Variants in PACRG observed in about 807,000 individuals in gnomAD.
The protein encoded by PACRG is parkin coregulated gene protein.
In PACRG, 29 loss-of-function variants were observed where a neutral mutation model predicts 29.7. The observed-to-expected ratio is 0.98, with a 90% CI of 0.73 to 1.33. The LOEUF is 1.33. PACRG is among the 40% of genes most tolerant of loss of function. The probability of loss-of-function intolerance (pLI) is 0.00; values close to 1 mark genes in which losing one functional copy is unlikely to be tolerated. For synonymous variants in PACRG, 116 were observed against 118.7 expected (o/e 0.98, Z 0.15); for missense variants, 279 against 316.2 (o/e 0.88, Z 0.89).
chr6:162,828,172 G>A (rs1788443757), intron 2 of PACRG, among the ~76,000 whole-genome samples: 1 of 152,126 alleles, frequency 6.6e-6, no homozygotes, highest in African/African-American at 2.4e-5. Flanking sequence ...AATGAGGGTG[G>A]TTATCTGTGA....
chr6:162,812,786 G>T (rs537643193), intron 1 of PACRG, among the ~76,000 whole-genome samples: 219 of 152,100 alleles, frequency 1.4e-3, no homozygotes, highest in African/African-American at 5.1e-3. Flanking sequence ...TTTGATAATT[G>T]AATGAATTTG....
chr6:163,150,239 C>T (rs933933198), intron 4 of PACRG, among the ~76,000 whole-genome samples: 2 of 152,162 alleles, frequency 1.3e-5, no homozygotes, highest in Non-Finnish European at 2.9e-5. Context: ...CTAGCTAATA[C>T]GAGTGTTGTG....
intron 4 of PACRG, among the ~76,000 whole-genome samples, chr6:163,274,178 C>A (rs181739369): frequency 6.6e-6 from 1 of 152,094 alleles, no homozygotes; most frequent in Non-Finnish European, 1.5e-5. Context: ...TATCCCTCCC[C>A]GCTCCCTCCA....
At chr6:163,037,084 A>G (rs1808270646) in intron 2 of PACRG, among the ~76,000 whole-genome samples, 2 of 152,222 alleles carry the variant, frequency 1.3e-5, no homozygotes, top group Admixed American at 6.5e-5. Flanking sequence ...AAATGCCTCA[A>G]TGTGCAAAAC....
intron 2 of PACRG, among the ~76,000 whole-genome samples, chr6:162,895,399 A>C (rs1795094312): frequency 6.6e-6 from 1 of 152,220 alleles, no homozygotes. Context: ...CTTTCACCCA[A>C]AGCTCATGGC....
chr6:162,768,063 G>A (rs1463596954), intron 1 of PACRG, among the ~76,000 whole-genome samples: 1 of 151,928 alleles, frequency 6.6e-6, no homozygotes, highest in East Asian at 1.9e-4. Context: ...GTTTAGCATT[G>A]TATTTGCATA....
At chr6:162,956,700 C>G (rs1800068720) in intron 2 of PACRG, among the ~76,000 whole-genome samples, 1 of 152,180 alleles carries the variant, frequency 6.6e-6, no homozygotes, top group Admixed American at 6.5e-5. Flanking sequence ...TGTCTCCTCA[C>G]ACAGCCCTCC....
intron 1 of PACRG, 35 bp from the exon 2 acceptor site, chr6:162,814,111 TA>T (rs1787116233): frequency 6.3e-7 from 1 of 1,586,414 alleles, no homozygotes; most frequent in Admixed American, 1.9e-5. Context: ...TAGTATGTCT[TA>T]AAACCTGATC....
chr6:163,101,592 A>G (rs1352617634), intron 4 of PACRG: 1 of 232,428 alleles, frequency 4.3e-6, no homozygotes, highest in Non-Finnish European at 7.1e-6. Flanking sequence ...TTGATGACCA[A>G]CTAAAATTTC....
At chr6:163,263,738 G>T (rs1307065401) in intron 4 of PACRG, among the ~76,000 whole-genome samples, 1 of 152,176 alleles carries the variant, frequency 6.6e-6, no homozygotes, top group Non-Finnish European at 1.5e-5. Flanking sequence ...AGTACATTAT[G>T]AATGGTACTA....
At chr6:162,812,920 C>T (rs371040252) in intron 1 of PACRG, among the ~76,000 whole-genome samples, 4 of 152,010 alleles carry the variant, frequency 2.6e-5, no homozygotes, top group African/African-American at 9.7e-5. Context: ...TAATCATATA[C>T]TGGGAGTAAT....
intron 4 of PACRG, among the ~76,000 whole-genome samples, chr6:163,252,290 G>A (rs1782937852): frequency 6.6e-6 from 1 of 152,270 alleles, no homozygotes; most frequent in Non-Finnish European, 1.5e-5. Context: ...GCTCGGCCAG[G>A]CGCCGGCCTT....
chr6:162,729,999 C>A (rs73601907), intron 1 of PACRG, among the ~76,000 whole-genome samples: 1 of 151,582 alleles, frequency 6.6e-6, no homozygotes, highest in Non-Finnish European at 1.5e-5. Context: ...CATTGGAAAT[C>A]GTAATTCTTA....
At chr6:163,113,552 C>G (rs1204556018) in intron 4 of PACRG, among the ~76,000 whole-genome samples, 1 of 152,152 alleles carries the variant, frequency 6.6e-6, no homozygotes, top group African/African-American at 2.4e-5. Context: ...ACTGACTTCT[C>G]ATTAGAAACT....
At chr6:162,894,503 G>A (rs571071576) in intron 2 of PACRG, among the ~76,000 whole-genome samples, 24 of 152,242 alleles carry the variant, frequency 1.6e-4, no homozygotes, top group African/African-American at 5.5e-4. Flanking sequence ...AATCACTGAG[G>A]GATGAAAAAA....
At chr6:163,006,049 CTATG>C (rs1329556452) in intron 2 of PACRG, among the ~76,000 whole-genome samples, 1 of 140,596 alleles carries the variant, frequency 7.1e-6, no homozygotes, top group African/African-American at 2.6e-5. Flanking sequence ...ACATATATAA[CTATG>C]TATAACATAT....
intron 1 of PACRG, among the ~76,000 whole-genome samples, chr6:162,811,944 G>A (rs372806760): frequency 2.6e-5 from 4 of 152,114 alleles, no homozygotes; most frequent in African/African-American, 9.7e-5. Context: ...TACTCAATCT[G>A]TACACACAAC....
At chr6:162,964,602 C>T (rs1800880647) in intron 2 of PACRG, among the ~76,000 whole-genome samples, 1 of 152,130 alleles carries the variant, frequency 6.6e-6, no homozygotes, top group African/African-American at 2.4e-5. Flanking sequence ...TAACTGCACA[C>T]AGCAATCTAG....
At position 162,957,268 on chromosome 6, in the gene PACRG, T is replaced by A; in HGVS notation, c.292-104882T>A. The stretch of plus-strand genomic sequence containing the variant: ...TTGAAGTGCTTATGCTGTCAACACT[T>A]TCACAATGATTTTCTGCTCCTCGAT... On this transcript the variant is annotated intron_variant, in intron 2 of 4. Transcript: ENST00000366888. The A allele has an allele frequency of 9.5e-6, 5 of 526,962 alleles. No individual in the cohort carries two copies. The Admixed American group carries it at 1.1e-4, about 11-fold the overall frequency. The allele number at this position is 526,962 out of a possible 1,614,324, so 32.6% of individuals were successfully genotyped here.
Sources: gnomAD v4.1 joint callset for allele counts (sites outside exome capture counted in the v4.1 genomes callset) on GRCh38, gnomAD v4.1.1 for gene constraint, MANE v1.5 for transcripts, NCBI Gene and HGNC (gene_info 2026-07-23, HGNC 2026-07-21) for gene names.